APAF1: variants seen among roughly 807,000 people sequenced by gnomAD.
APAF1 encodes apoptotic peptidase activating factor 1.
Under a neutral mutation model 152.4 loss-of-function variants are expected in APAF1, and 91 were observed. The observed-to-expected ratio is 0.60, with a 90% confidence interval of 0.50 to 0.71. APAF1 has a LOEUF of 0.71. Among genes scored for constraint, APAF1 ranks in the 30% least tolerant of loss-of-function variants. The probability of loss-of-function intolerance (pLI) is 0.00; values close to 1 mark genes in which losing one functional copy is unlikely to be tolerated. For synonymous variants in APAF1, 484 were observed against 494.1 expected (o/e 0.98, Z 0.27); for missense variants, 1,283 against 1,472.0 (o/e 0.87, Z 2.10).
At chr12:98,727,618 A>G (rs2097752496) in intron 26 of APAF1, among the ~76,000 whole-genome samples, 1 of 152,048 alleles carries the variant, frequency 6.6e-6, no homozygotes. Flanking sequence ...AAAATATTGA[A>G]AACAAAAAAG....
intron 7 of APAF1, 86 bp downstream of exon 7, chr12:98,662,892 T>G: frequency 7.3e-7 from 1 of 1,378,220 alleles, no homozygotes; most frequent in Non-Finnish European, 1.0e-6. Flanking sequence ...TATGGTAATT[T>G]AGCACATGAA....
At chr12:98,650,441 G>A (rs747572732) in intron 4 of APAF1, among the ~76,000 whole-genome samples, 82 of 151,730 alleles carry the variant, frequency 5.4e-4, no homozygotes, top group Middle Eastern at 6.9e-3. Flanking sequence ...AGCTGAGATC[G>A]CACCACTGCA....
chr12:98,729,873 G>A (rs1392253271), intron 26 of APAF1, among the ~76,000 whole-genome samples: 1 of 152,100 alleles, frequency 6.6e-6, no homozygotes, highest in Admixed American at 6.5e-5. Flanking sequence ...GTACTAAGGG[G>A]TACAAAAATA....
intron 26 of APAF1, among the ~76,000 whole-genome samples, chr12:98,730,196 C>A (rs1416734161): frequency 6.6e-6 from 1 of 152,188 alleles, no homozygotes; most frequent in African/African-American, 2.4e-5. Flanking sequence ...TAACCTACAT[C>A]TTTATTCAGT....
At chr12:98,672,650 G>C (rs773534244) in intron 12 of APAF1, among the ~76,000 whole-genome samples, 3 of 152,056 alleles carry the variant, frequency 2.0e-5, no homozygotes, top group Non-Finnish European at 4.4e-5. Flanking sequence ...GGAAAGGATA[G>C]CTATTAATAC....
chr12:98,683,111 A>C, intron 14 of APAF1, 32 bp from the exon 15 acceptor site: 1 of 1,576,046 alleles, frequency 6.3e-7, no homozygotes, highest in Non-Finnish European at 8.7e-7. Flanking sequence ...AAAATAATGG[A>C]TATTTGTAAA....
chr12:98,723,489 T>C (rs973032149), intron 23 of APAF1, 150 bp from the exon 24 acceptor site: 29 of 953,018 alleles, frequency 3.0e-5, no homozygotes, highest in Non-Finnish European at 4.5e-5. Context: ...TGAGCATTTA[T>C]ACTGTTAGTC....
At chr12:98,676,020 T>C (rs1346752038) in intron 12 of APAF1, among the ~76,000 whole-genome samples, 1 of 152,194 alleles carries the variant, frequency 6.6e-6, no homozygotes, top group Non-Finnish European at 1.5e-5. Context: ...TTTGCTCATT[T>C]ACACACCTAA....
intron 4 of APAF1, among the ~76,000 whole-genome samples, chr12:98,651,799 A>G (rs1005238776): frequency 1.3e-5 from 2 of 152,104 alleles, no homozygotes; most frequent in African/African-American, 4.8e-5. Context: ...AGCTGGGTGC[A>G]CACGCCACCA....
intron 4 of APAF1, among the ~76,000 whole-genome samples, chr12:98,654,079 C>T (rs552379706): frequency 1.3e-5 from 2 of 152,210 alleles, no homozygotes; most frequent in African/African-American, 4.8e-5. Flanking sequence ...CCTCCTCATG[C>T]AAAGCTAAAT....
chr12:98,685,133 A>G (rs1315040615), intron 15 of APAF1, among the ~76,000 whole-genome samples: 1 of 152,222 alleles, frequency 6.6e-6, no homozygotes, highest in East Asian at 1.9e-4. Context: ...GCCAAAACTA[A>G]CATTTAGCAA....
At chr12:98,708,095 C>T (rs2097723794) in intron 19 of APAF1, among the ~76,000 whole-genome samples, 1 of 152,186 alleles carries the variant, frequency 6.6e-6, no homozygotes, top group African/African-American at 2.4e-5. Context: ...CACAGGTGCA[C>T]ACCACCATGC....
At chr12:98,689,461 AGAGT>A (rs2097701703) in intron 16 of APAF1, among the ~76,000 whole-genome samples, 3 of 121,722 alleles carry the variant, frequency 2.5e-5, no homozygotes, top group East Asian at 2.6e-4. Flanking sequence ...AGAGAGAGAG[AGAGT>A]GTGTGTGTCT....
intron 21 of APAF1, among the ~76,000 whole-genome samples, chr12:98,714,842 TC>T (rs1470128428): frequency 1.3e-5 from 2 of 149,142 alleles, no homozygotes; most frequent in Non-Finnish European, 1.5e-5. Context: ...CCTTTTTTTT[TC>T]TTTTTTTTTT....
rs372152700 is a variant in APAF1 at position 98,650,103 on chromosome 12, C to T, written c.526+419C>T. ...TATAGCTCCATCAGTTCTAGGCTGCCCCCATTCATCAGTGTGTTCTCATTC... is the reference window on the plus strand; with the variant it reads ...TATAGCTCCATCAGTTCTAGGCTGCTCCCATTCATCAGTGTGTTCTCATTC... On this transcript the variant is annotated intron_variant, in intron 4 of 26. Coordinates refer to ENST00000551964, the MANE Select transcript of APAF1 (RefSeq NM_181861.2). 1.1e-4 allele frequency among the ~76,000 whole-genome samples: 17 copies of T among 152,280 alleles called. 1 individual carries two copies. The South Asian group carries it at 3.5e-3, about 32-fold the overall frequency.
chr12:98,649,759 G>A, intron 4 of APAF1, 75 bp downstream of exon 4: 1 of 1,315,122 alleles, frequency 7.6e-7, no homozygotes, highest in East Asian at 2.5e-5. Context: ...ATCAATACGT[G>A]ATAAATTGAA....
intron 15 of APAF1, among the ~76,000 whole-genome samples, chr12:98,684,090 A>C (rs567565341): frequency 6.6e-6 from 1 of 152,268 alleles, no homozygotes; most frequent in Admixed American, 6.5e-5. Flanking sequence ...GCAATTGAAC[A>C]TGATATTTTT....
At chr12:98,704,212 C>A (rs542867060) in intron 18 of APAF1, among the ~76,000 whole-genome samples, 16 of 152,238 alleles carry the variant, frequency 1.1e-4, no homozygotes, top group African/African-American at 3.9e-4. Context: ...CAATACTCCC[C>A]CAGCCTTGGC....
In APAF1 at chr12:98,680,529, TA is replaced by T. The variant is rs2097691169; in HGVS notation, c.2046+130del. The T allele has an allele frequency of 3.2e-6, 3 of 944,334 alleles. No homozygotes were observed. The South Asian group carries it at 4.6e-5, about 14-fold the overall frequency. The allele number at this position is 944,334 out of a possible 1,614,324, so 58.5% of individuals were successfully genotyped here. A position where few individuals can be genotyped will look rare whatever the true frequency, so the allele number is the denominator to read the frequency against. On this transcript the variant is annotated intron_variant, in intron 14 of 26. Transcript: ENST00000551964. The stretch of plus-strand genomic sequence containing the variant: ...GTTGATCTACTAACCTGATTCATTG[TA>T]AATTAACACTATCTGAAAATTCTTT...
Sources: gnomAD v4.1 joint callset for allele counts (sites outside exome capture counted in the v4.1 genomes callset) on GRCh38, gnomAD v4.1.1 for gene constraint, MANE v1.5 for transcripts, NCBI Gene and HGNC (gene_info 2026-07-23, HGNC 2026-07-21) for gene names.